BANK1: variants seen among roughly 807,000 people sequenced by gnomAD.
The protein encoded by BANK1 is B cell scaffold protein with ankyrin repeats 1, also known as B-cell scaffold protein with ankyrin repeats.
BANK1 carries 95 observed loss-of-function variants against 94.5 expected under a neutral mutation model. The ratio of observed to expected loss-of-function variants is 1.00; its 90% CI spans 0.85 to 1.19. BANK1 has a LOEUF of 1.19. BANK1 is among the 50% of genes most tolerant of loss of function. The probability of loss-of-function intolerance (pLI) is 0.00; values close to 1 mark genes in which losing one functional copy is unlikely to be tolerated. For synonymous variants in BANK1, 334 were observed against 308.4 expected, an observed-to-expected ratio of 1.08 and a Z score of -0.87; for missense variants, 987 against 932.2, an observed-to-expected ratio of 1.06 and a Z score of -0.77.
intron 7 of BANK1, among the ~76,000 whole-genome samples, chr4:101,919,846 A>G (rs188038704): frequency 4.6e-5 from 7 of 152,134 alleles, no homozygotes; most frequent in Admixed American, 4.6e-4. Flanking sequence ...TTTCATGACC[A>G]TGGATAATTT....
intron 1 of BANK1, among the ~76,000 whole-genome samples, chr4:101,806,471 C>T (rs80350505): frequency 0.012 from 1,808 of 152,160 alleles, 49 homozygotes; most frequent in African/African-American, 0.041. Context: ...CATAGAAATA[C>T]GTTGCACTGG....
At chr4:101,949,820 T>A (rs1440764981) in intron 7 of BANK1, among the ~76,000 whole-genome samples, 1 of 152,156 alleles carries the variant, frequency 6.6e-6, no homozygotes, top group African/African-American at 2.4e-5. Context: ...CAGTGTTAAT[T>A]GAAATTGAGC....
At chr4:101,824,675 T>C (rs1726297111) in intron 1 of BANK1, among the ~76,000 whole-genome samples, 1 of 152,166 alleles carries the variant, frequency 6.6e-6, no homozygotes, top group African/African-American at 2.4e-5. Flanking sequence ...CATTTTTTTT[T>C]TTTTGTAATT....
Position 102,025,426 on chromosome 4 carries a change from T to C in BANK1, c.1511T>C (p.Leu504Pro). 6.2e-7 allele frequency: 1 copy of C among 1,613,986 alleles called. No individual in the cohort carries two copies. Among genetic ancestry groups the C allele is most frequent in the Non-Finnish European group, 8.5e-7 (1 of 1,179,982 alleles). ...CCAGAAAATAATTCACAAGAGCCAC[T>C]CATGAGCAGCAGACCTCCTCTCCCC... ...ADPENNSQEP[L>P]MSSRPPLPPP... Residue 504 changes from leucine to proline, a missense_variant, in exon 9 of 17, where the codon CTC becomes CCC. Leu to Pro is a moderately conservative substitution (Grantham distance 98). Coordinates refer to ENST00000322953, the MANE Select transcript of BANK1 (RefSeq NM_017935.5).
At position 101,813,993 on chromosome 4, in the gene BANK1, C is replaced by A. The variant is rs572057330; in HGVS notation, c.71-15815C>A. On this transcript the variant is annotated intron_variant, in intron 1 of 16. Transcript: ENST00000322953. ...TTTCTAAGATATTTTACCATTGATA[C>A]GTATGATATAAATTTTGAGATGATA... The A allele has an allele frequency of 3.9e-5, 25 of 636,728 alleles. No individual in the cohort carries two copies. The East Asian group carries it at 2.1e-3, about 53-fold the overall frequency. The allele number at this position is 636,728 out of a possible 1,614,324, so 39.4% of individuals were successfully genotyped here.
chr4:101,911,618 CTAAAA>C (rs1722668925), intron 6 of BANK1, among the ~76,000 whole-genome samples: 2 of 152,076 alleles, frequency 1.3e-5, no homozygotes, highest in African/African-American at 4.8e-5. Flanking sequence ...TAACCATAGA[CTAAAA>C]TAAAACCCTG....
chr4:101,793,639 T>C (rs1258847101), intron 1 of BANK1, among the ~76,000 whole-genome samples: 1 of 152,192 alleles, frequency 6.6e-6, no homozygotes, highest in Non-Finnish European at 1.5e-5. Context: ...TAGTCCCAGC[T>C]TCATTGCCTG....
chr4:101,965,840 A>G (rs1379119899), intron 7 of BANK1, among the ~76,000 whole-genome samples: 2 of 152,056 alleles, frequency 1.3e-5, no homozygotes, highest in African/African-American at 4.8e-5. Flanking sequence ...TTCTTCAGGA[A>G]TTTTCATTTG....
At chr4:101,911,578 T>C (rs927288275) in intron 6 of BANK1, among the ~76,000 whole-genome samples, 2 of 152,180 alleles carry the variant, frequency 1.3e-5, no homozygotes, top group African/African-American at 4.8e-5. Flanking sequence ...AAATTTATTA[T>C]ATTAATTACT....
At chr4:102,009,085 C>A (rs961456281) in intron 7 of BANK1, among the ~76,000 whole-genome samples, 3 of 152,182 alleles carry the variant, frequency 2.0e-5, no homozygotes, top group African/African-American at 7.2e-5. Flanking sequence ...TGCTGTGTTG[C>A]CCATCTCTTC....
At chr4:101,875,732 T>C (rs981735616) in intron 5 of BANK1, among the ~76,000 whole-genome samples, 15 of 152,206 alleles carry the variant, frequency 9.9e-5, no homozygotes, top group Admixed American at 4.6e-4. Flanking sequence ...CAGAGAATTA[T>C]TGATTCCAGC....
intron 2 of BANK1, among the ~76,000 whole-genome samples, chr4:101,850,604 A>G (rs180964980): frequency 1.3e-5 from 2 of 152,168 alleles, no homozygotes; most frequent in East Asian, 3.9e-4. Flanking sequence ...TTTTTGTGCT[A>G]CACAGACACT....
chr4:102,063,082 T>TA lies in BANK1; in HGVS notation c.2157dup (p.Arg720ThrfsTer19). 6.2e-7 allele frequency: 1 copy of TA among 1,613,426 alleles called. No homozygotes were observed. Among genetic ancestry groups the TA allele is most frequent in the East Asian group, 2.2e-5 (1 of 44,824 alleles). ...GGTTGTTTCCACATTAAGGAGAAAT[T>TA]ACGACAACTACGAGACTGCATTATT... On this transcript the variant is annotated frameshift_variant, in exon 13 of 17. Coordinates refer to ENST00000322953, the MANE Select transcript of BANK1 (RefSeq NM_017935.5). LOFTEE classifies it high-confidence loss of function.
intron 2 of BANK1, among the ~76,000 whole-genome samples, chr4:101,835,177 A>G (rs1726775994): frequency 6.6e-6 from 1 of 152,172 alleles, no homozygotes; most frequent in Non-Finnish European, 1.5e-5. Context: ...TATAGGCTTC[A>G]TACAGCATTG....
chr4:101,967,909 T>C (rs771858778), intron 7 of BANK1, among the ~76,000 whole-genome samples: 3 of 152,080 alleles, frequency 2.0e-5, no homozygotes, highest in Non-Finnish European at 4.4e-5. Flanking sequence ...AAAACTTAAC[T>C]GTTTTCAATC....
Position 102,007,164 on chromosome 4 carries a change from A to T in BANK1, c.1207-14350A>T, listed in dbSNP as rs1410030221. On this transcript the variant is annotated intron_variant, in intron 7 of 16. Coordinates refer to ENST00000322953, the MANE Select transcript of BANK1 (RefSeq NM_017935.5). The stretch of plus-strand genomic sequence containing the variant: ...ATATATTTTATATATATATATATAT[A>T]TATATAAAATCCCTAAAATAGAATG... 1.3e-4 allele frequency among the ~76,000 whole-genome samples: 16 copies of T among 119,538 alleles called. 1 individual carries two copies. Among genetic ancestry groups the T allele is most frequent in the Non-Finnish European group, 2.7e-4 (15 of 56,362 alleles). 78.4% of individuals were successfully genotyped at this position (119,538 alleles called of 152,430 possible). A position where few individuals can be genotyped will look rare whatever the true frequency, so the allele number is the denominator to read the frequency against.
chr4:101,908,385 T>C (rs1013595377), intron 6 of BANK1, among the ~76,000 whole-genome samples: 2 of 152,140 alleles, frequency 1.3e-5, no homozygotes, highest in Non-Finnish European at 2.9e-5. Context: ...CCCTTCCTTA[T>C]ACCTTATACA....
intron 6 of BANK1, among the ~76,000 whole-genome samples, chr4:101,909,313 G>C (rs1195978351): frequency 2.0e-5 from 3 of 152,084 alleles, no homozygotes; most frequent in Non-Finnish European, 4.4e-5. Context: ...AACACTGCAC[G>C]TTCTCACTCA....
intron 10 of BANK1, among the ~76,000 whole-genome samples, chr4:102,041,422 A>G (rs558131772): frequency 6.6e-6 from 1 of 152,174 alleles, no homozygotes; most frequent in African/African-American, 2.4e-5. Context: ...AGGTTGCCTC[A>G]TATTTAAAAA....
Sources: gnomAD v4.1 joint callset for allele counts (sites outside exome capture counted in the v4.1 genomes callset) on GRCh38, gnomAD v4.1.1 for gene constraint, MANE v1.5 for transcripts, NCBI Gene and HGNC (gene_info 2026-07-23, HGNC 2026-07-21) for gene names.